The following FAT3 variants were observed in gnomAD, a reference collection of about 807,000 sequenced individuals.
FAT3 encodes the protein protocadherin Fat 3.
FAT3 carries 95 observed loss-of-function variants against 310.2 expected under a neutral mutation model. The ratio of observed to expected loss-of-function variants is 0.31; its 90% CI spans 0.26 to 0.36. The LOEUF (loss-of-function observed/expected upper bound fraction) is 0.36. Ranked by LOEUF, FAT3 falls within the 10% of genes least tolerant of loss-of-function variation. The pLI is 1.00. For synonymous variants in FAT3, 2,314 were observed against 2,192.9 expected (o/e 1.06, Z -1.54); for missense variants, 5,408 against 5,715.6 (o/e 0.95, Z 1.74).
At chr11:92,230,509 G>C (rs1350928668) in intron 1 of FAT3, among the ~76,000 whole-genome samples, 1 of 152,246 alleles carries the variant, frequency 6.6e-6, no homozygotes, top group East Asian at 1.9e-4. Context: ...GGCCAGGCTG[G>C]TCTCGAACTC....
intron 1 of FAT3, chr11:92,335,935 G>A (rs1038802688): frequency 2.8e-6 from 1 of 360,200 alleles, no homozygotes; most frequent in South Asian, 2.4e-5. Context: ...TGACTCCTAT[G>A]GATTTTTTTT....
intron 3 of FAT3, among the ~76,000 whole-genome samples, chr11:92,685,400 C>T (rs1332447225): frequency 1.3e-5 from 2 of 151,902 alleles, no homozygotes; most frequent in Admixed American, 6.6e-5. Flanking sequence ...CAATAATCAT[C>T]GCAGCACATA....
At chr11:92,362,392 C>A (rs1948903907) in intron 2 of FAT3, among the ~76,000 whole-genome samples, 1 of 152,200 alleles carries the variant, frequency 6.6e-6, no homozygotes, top group Non-Finnish European at 1.5e-5. Flanking sequence ...CCTCTCTGAT[C>A]CATTCTCACT....
At chr11:92,793,033 G>A in intron 9 of FAT3, 56 bp downstream of exon 9, 1 of 1,539,762 alleles carries the variant, frequency 6.5e-7, no homozygotes, top group Admixed American at 1.8e-5. Context: ...TCGACCCTCA[G>A]TAGTATTTAT....
chr11:92,737,710 AT>A (rs144755259), intron 4 of FAT3, among the ~76,000 whole-genome samples: 6,283 of 149,924 alleles, frequency 0.042, 288 homozygotes, highest in East Asian at 0.21. Context: ...TTTCAGTTAG[AT>A]TTTTTTTTAA....
At chr11:92,473,613 G>A (rs1951968683) in intron 2 of FAT3, among the ~76,000 whole-genome samples, 1 of 152,154 alleles carries the variant, frequency 6.6e-6, no homozygotes, top group African/African-American at 2.4e-5. Context: ...CTGTGTGAAT[G>A]TTTGATAAAT....
intron 3 of FAT3, among the ~76,000 whole-genome samples, chr11:92,525,997 C>A (rs1953848733): frequency 2.0e-5 from 3 of 152,116 alleles, no homozygotes. Flanking sequence ...ATGAGTGGAT[C>A]AATCATTTTG....
chr11:92,511,440 T>C (rs1459596666), intron 2 of FAT3, among the ~76,000 whole-genome samples: 1 of 152,146 alleles, frequency 6.6e-6, no homozygotes, highest in Non-Finnish European at 1.5e-5. Context: ...AACCAGACAT[T>C]CCAACTTGGC....
intron 1 of FAT3, among the ~76,000 whole-genome samples, chr11:92,262,770 A>G (rs975225769): frequency 5.2e-4 from 79 of 152,158 alleles, no homozygotes; most frequent in African/African-American, 1.8e-3. Context: ...AAACATTCTC[A>G]GAATACGGGA....
chr11:92,404,455 T>C (rs982227919), intron 2 of FAT3, among the ~76,000 whole-genome samples: 2 of 151,832 alleles, frequency 1.3e-5, no homozygotes, highest in Admixed American at 1.3e-4. Context: ...AATCCACCTT[T>C]GTCAAATTCT....
At chr11:92,413,608 G>A (rs1950344425) in intron 2 of FAT3, among the ~76,000 whole-genome samples, 1 of 152,154 alleles carries the variant, frequency 6.6e-6, no homozygotes, top group Non-Finnish European at 1.5e-5. Context: ...CTTTCCCTAT[G>A]CTGGATCTTG....
At chr11:92,230,337 A>G (rs1392189620) in intron 1 of FAT3, among the ~76,000 whole-genome samples, 1 of 152,136 alleles carries the variant, frequency 6.6e-6, no homozygotes, top group Non-Finnish European at 1.5e-5. Flanking sequence ...TCCATTGCCC[A>G]GGCTGGAGTG....
intron 2 of FAT3, among the ~76,000 whole-genome samples, chr11:92,512,593 A>T (rs1245438509): frequency 6.8e-6 from 1 of 147,236 alleles, no homozygotes; most frequent in Non-Finnish European, 1.5e-5. Context: ...TTATATATTA[A>T]ATATGTTTTA....
chr11:92,287,597 T>C (rs1946590988), intron 1 of FAT3, among the ~76,000 whole-genome samples: 1 of 152,138 alleles, frequency 6.6e-6, no homozygotes, highest in Non-Finnish European at 1.5e-5. Context: ...AATTAGAAAA[T>C]CCCAAGCCTT....
intron 13 of FAT3, among the ~76,000 whole-genome samples, chr11:92,824,264 G>A (rs535683631): frequency 1.3e-5 from 2 of 152,188 alleles, no homozygotes; most frequent in South Asian, 4.2e-4. Context: ...GGCTGAGGCA[G>A]GAGAAACGCT....
chr11:92,544,627 A>G (rs1954558981), intron 3 of FAT3, among the ~76,000 whole-genome samples: 1 of 152,180 alleles, frequency 6.6e-6, no homozygotes, highest in Admixed American at 6.5e-5. Flanking sequence ...AAATTGCACT[A>G]TAAAAGCAGG....
At chr11:92,321,423 C>G (rs559453047) in intron 1 of FAT3, among the ~76,000 whole-genome samples, 1 of 148,078 alleles carries the variant, frequency 6.8e-6, no homozygotes, top group Non-Finnish European at 1.5e-5. Context: ...AGCAACAGGG[C>G]GAGACTCCGT....
intron 7 of FAT3, among the ~76,000 whole-genome samples, chr11:92,780,658 C>T (rs529991834): frequency 6.6e-6 from 1 of 152,226 alleles, no homozygotes; most frequent in African/African-American, 2.4e-5. Context: ...ATTTTGATAT[C>T]TGTTCTAATG....
chr11:92,318,918 A>G (rs558545802), intron 1 of FAT3, among the ~76,000 whole-genome samples: 101 of 152,336 alleles, frequency 6.6e-4, no homozygotes, highest in Non-Finnish European at 1.2e-3. Context: ...CAAAGAGTCC[A>G]TGTGCTGAAT....
Sources: gnomAD v4.1 joint callset for allele counts (sites outside exome capture counted in the v4.1 genomes callset) on GRCh38, gnomAD v4.1.1 for gene constraint, MANE v1.5 for transcripts, NCBI Gene and HGNC (gene_info 2026-07-23, HGNC 2026-07-21) for gene names.